Variants in CWC27 observed in about 807,000 individuals in gnomAD.
The protein encoded by CWC27 is spliceosome-associated protein CWC27 homolog.
A neutral mutation model predicts 63.6 loss-of-function variants in CWC27; 47 were observed. The observed-to-expected ratio is 0.74, with a 90% CI of 0.58 to 0.94. The LOEUF (loss-of-function observed/expected upper bound fraction) is 0.94. Among genes scored for constraint, CWC27 ranks in the 40% least tolerant of loss-of-function variants. The pLI is 0.00. For synonymous variants in CWC27, 175 were observed against 179.8 expected (o/e 0.97, Z 0.22); for missense variants, 495 against 554.3 (o/e 0.89, Z 1.07).
intron 11 of CWC27, among the ~76,000 whole-genome samples, chr5:64,906,348 T>C (rs1159343681): frequency 6.6e-6 from 1 of 152,198 alleles, no homozygotes; most frequent in Non-Finnish European, 1.5e-5. Flanking sequence ...CCTGACCTTT[T>C]AACGATTGCC....
At chr5:64,797,553 G>A (rs1744318910) in intron 7 of CWC27, among the ~76,000 whole-genome samples, 2 of 152,066 alleles carry the variant, frequency 1.3e-5, no homozygotes, top group Admixed American at 6.6e-5. Flanking sequence ...CTATTGTCAA[G>A]TCTTATTTTA....
intron 11 of CWC27, among the ~76,000 whole-genome samples, chr5:64,913,788 T>C (rs1474793990): frequency 6.6e-6 from 1 of 152,050 alleles, no homozygotes; most frequent in African/African-American, 2.4e-5. Context: ...TGTTCTATAT[T>C]TTAAATGCAA....
chr5:64,989,926 T>C (rs1749502488), intron 13 of CWC27, among the ~76,000 whole-genome samples: 1 of 151,752 alleles, frequency 6.6e-6, no homozygotes, highest in African/African-American at 2.4e-5. Context: ...ACCTGATGCT[T>C]AAATCAAGCT....
rs142534291 is a variant in CWC27, at chr5:64,816,299, A to T, written c.938+11913A>T. Among the ~76,000 whole-genome samples the T allele has an allele frequency of 5.1e-4, 77 of 152,258 alleles. 1 individual carries two copies. The highest frequency in any genetic ancestry group is 1.7e-3 in the African/African-American group (72 of 41,554). ...CACGAAGTATGCAGATGTGGCAAGG[A>T]TGGGTAGCTCCTCCAACATCTATCC... On this transcript the variant is annotated intron_variant, in intron 10 of 13. Transcript: ENST00000381070.
At chr5:64,870,150 T>C (rs1435933724) in intron 10 of CWC27, among the ~76,000 whole-genome samples, 1 of 152,064 alleles carries the variant, frequency 6.6e-6, no homozygotes, top group Non-Finnish European at 1.5e-5. Context: ...GAGCAAAATG[T>C]TTTTGAGTGA....
chr5:64,807,216 A>T (rs1379565358), intron 10 of CWC27, among the ~76,000 whole-genome samples: 1 of 152,208 alleles, frequency 6.6e-6, no homozygotes, highest in African/African-American at 2.4e-5. Flanking sequence ...TGAGCCGTTC[A>T]AAGTATAATT....
rs148432700 is a variant in CWC27 at position 64,989,956 on chromosome 5, A to C, written c.1256+12718A>C. Among the ~76,000 whole-genome samples the C allele has an allele frequency of 1.0e-3, 156 of 152,188 alleles. 3 individuals are homozygous for C. In the East Asian group the frequency reaches 0.028, roughly 28 times the overall value. On this transcript the variant is annotated intron_variant, in intron 13 of 13. Transcript: ENST00000381070. Reference sequence around the variant, plus strand: ...CAAGCTAATAAAAGGTATTTGGCTCAGTTAATCTGAGAAAAAAAAAAAGCA... The same window carrying C: ...CAAGCTAATAAAAGGTATTTGGCTCCGTTAATCTGAGAAAAAAAAAAAGCA...
chr5:64,774,822 GTTAAT>G (rs1743386006), intron 2 of CWC27, 35 bp downstream of exon 2: 1 of 1,252,034 alleles, frequency 8.0e-7, no homozygotes, highest in African/African-American at 1.5e-5. Flanking sequence ...AGAAATTCTT[GTTAAT>G]TTAAAAATAA....
chr5:65,017,195 T>C (rs1750063028), intron 13 of CWC27, among the ~76,000 whole-genome samples: 2 of 151,774 alleles, frequency 1.3e-5, no homozygotes, highest in Admixed American at 6.6e-5. Flanking sequence ...GTGGCAAATC[T>C]CTGTAGTCCC....
In CWC27 at chr5:64,846,087, C is replaced by T. The variant is rs185357384; in HGVS notation, c.939-39356C>T. ...GAGTGGCATAATATAATTGAAATGCCGGAGGAAAACAAACACAAAAACTAC... is the reference window on the plus strand; with the variant it reads ...GAGTGGCATAATATAATTGAAATGCTGGAGGAAAACAAACACAAAAACTAC... On this transcript the variant is annotated intron_variant, in intron 10 of 13. Transcript: ENST00000381070. Among the ~76,000 whole-genome samples the T allele has an allele frequency of 2.2e-4, 34 of 152,224 alleles. No individual in the cohort carries two copies. In the South Asian group the frequency reaches 4.1e-3, roughly 19 times the overall value.
intron 10 of CWC27, among the ~76,000 whole-genome samples, chr5:64,809,253 G>T (rs181134486): frequency 6.6e-6 from 1 of 152,162 alleles, no homozygotes; most frequent in Non-Finnish European, 1.5e-5. Flanking sequence ...GCTAATTAAC[G>T]TATTTATCCA....
chr5:64,887,487 C>T (rs976171309), intron 11 of CWC27, among the ~76,000 whole-genome samples: 1 of 152,122 alleles, frequency 6.6e-6, no homozygotes, highest in African/African-American at 2.4e-5. Flanking sequence ...GTACCTCAGC[C>T]TCCCAAGTAG....
intron 11 of CWC27, among the ~76,000 whole-genome samples, chr5:64,891,801 G>GTTA (rs1208613828): frequency 3.7e-4 from 56 of 151,748 alleles, no homozygotes; most frequent in African/African-American, 1.4e-3. Context: ...TGTTGTTGTT[G>GTTA]TTGTTGTTGT....
At chr5:64,805,284 A>G (rs776543206) in intron 10 of CWC27, among the ~76,000 whole-genome samples, 16 of 151,564 alleles carry the variant, frequency 1.1e-4, no homozygotes, top group Non-Finnish European at 1.9e-4. Flanking sequence ...GGTACTTAGG[A>G]GTCATCTTAA....
At chr5:64,877,906 A>C (rs1455345406) in intron 10 of CWC27, among the ~76,000 whole-genome samples, 2 of 151,898 alleles carry the variant, frequency 1.3e-5, no homozygotes, top group Non-Finnish European at 2.9e-5. Flanking sequence ...GTCTAGGATG[A>C]AGACGTCAAC....
At chr5:64,909,416 G>T in intron 11 of CWC27, among the ~76,000 whole-genome samples, 1 of 151,964 alleles carries the variant, frequency 6.6e-6, no homozygotes, top group East Asian at 1.9e-4. Context: ...ATGTGTCTTG[G>T]GGTTGTTCTT....
At chr5:64,771,406 C>A (rs544839263) in intron 1 of CWC27, among the ~76,000 whole-genome samples, 1 of 152,224 alleles carries the variant, frequency 6.6e-6, no homozygotes, top group East Asian at 1.9e-4. Flanking sequence ...TACATGATAC[C>A]AGTGCTTGGT....
intron 7 of CWC27, among the ~76,000 whole-genome samples, chr5:64,791,626 G>A (rs920025321): frequency 1.3e-5 from 2 of 152,070 alleles, no homozygotes; most frequent in Non-Finnish European, 2.9e-5. Context: ...CTCTTTCGTA[G>A]GGGGTGCTTT....
intron 11 of CWC27, among the ~76,000 whole-genome samples, chr5:64,900,565 A>T (rs557274292): frequency 6.6e-6 from 1 of 152,280 alleles, no homozygotes; most frequent in South Asian, 2.1e-4. Context: ...ATTTTGGGAA[A>T]GTCTAACTTA....
Sources: allele counts gnomAD v4.1 joint callset (sites outside exome capture counted in the v4.1 genomes callset), GRCh38; gene constraint gnomAD v4.1.1; transcripts MANE v1.5; gene names NCBI Gene and HGNC (gene_info 2026-07-23, HGNC 2026-07-21).